Variants in SDK2 observed in about 807,000 individuals in gnomAD.
SDK2 encodes the protein sidekick cell adhesion molecule 2.
Under a neutral mutation model 253.9 loss-of-function variants are expected in SDK2, and 105 were observed. That is an observed-to-expected ratio of 0.41 (90% CI 0.35 to 0.49). The LOEUF is 0.49. Among genes scored for constraint, SDK2 ranks in the 20% least tolerant of loss-of-function variants. SDK2 has a pLI of 0.06. For missense variants in SDK2, 2,608 were observed against 3,003.0 expected (o/e 0.87, Z 3.07); for synonymous variants, 1,249 against 1,234.9 (o/e 1.01, Z -0.24).
intron 16 of SDK2, among the ~76,000 whole-genome samples, chr17:73,416,767 T>C (rs2063185901): frequency 6.6e-6 from 1 of 151,394 alleles, no homozygotes; most frequent in South Asian, 2.1e-4. Context: ...TTTTTTGTAT[T>C]TTTAGTAGAG....
intron 2 of SDK2, among the ~76,000 whole-genome samples, chr17:73,494,454 G>A (rs1043785849): frequency 6.6e-6 from 1 of 152,120 alleles, no homozygotes; most frequent in Admixed American, 6.5e-5. Context: ...CAGCTTCCTC[G>A]GGAGTGGGGG....
intron 2 of SDK2, chr17:73,504,237 A>AGT (rs34971621): frequency 0.26 from 26,271 of 102,898 alleles, 2,777 homozygotes; most frequent in South Asian, 0.35. Context: ...AGAGAGAGAA[A>AGT]GTGTGTGTGT....
chr17:73,429,045 G>A (rs2063305962), intron 12 of SDK2, among the ~76,000 whole-genome samples: 1 of 152,160 alleles, frequency 6.6e-6, no homozygotes, highest in Admixed American at 6.5e-5. Flanking sequence ...ATCAGTAACT[G>A]TCTAGAGAAT....
chr17:73,471,377 C>T (rs1262744755), intron 3 of SDK2, among the ~76,000 whole-genome samples: 1 of 152,150 alleles, frequency 6.6e-6, no homozygotes, highest in Non-Finnish European at 1.5e-5. Context: ...GTGGGCAGAT[C>T]ACTTGAGGTC....
intron 2 of SDK2, among the ~76,000 whole-genome samples, chr17:73,472,465 C>T (rs139013697): frequency 3.9e-5 from 6 of 152,224 alleles, no homozygotes; most frequent in African/African-American, 1.2e-4. Context: ...CTTCTCCAAG[C>T]AGGGAAGGTG....
chr17:73,371,680 C>A (rs2062735348), intron 36 of SDK2, among the ~76,000 whole-genome samples: 1 of 151,918 alleles, frequency 6.6e-6, no homozygotes, highest in Non-Finnish European at 1.5e-5. Context: ...TGAGGTCAGG[C>A]CAGGTGCGGT....
intron 1 of SDK2, among the ~76,000 whole-genome samples, chr17:73,600,030 T>C (rs75733043): frequency 1.6e-3 from 244 of 152,378 alleles, no homozygotes; most frequent in Non-Finnish European, 3.1e-3. Context: ...CTCGTCACTA[T>C]GTTTTCTCAA....
At chr17:73,504,857 A>G (rs1194142581) in intron 2 of SDK2, among the ~76,000 whole-genome samples, 2 of 152,102 alleles carry the variant, frequency 1.3e-5, no homozygotes, top group East Asian at 3.9e-4. Flanking sequence ...AGGTGAGACT[A>G]TGCCAGCAGG....
chr17:73,449,654 C>G (rs1195422988), intron 4 of SDK2, among the ~76,000 whole-genome samples: 2 of 142,766 alleles, frequency 1.4e-5, no homozygotes, highest in Non-Finnish European at 3.0e-5. Context: ...GGCACAGTGG[C>G]TCACGCCTGT....
At chr17:73,580,089 C>T (rs1009939308) in intron 1 of SDK2, among the ~76,000 whole-genome samples, 1 of 152,068 alleles carries the variant, frequency 6.6e-6, no homozygotes, top group African/African-American at 2.4e-5. Flanking sequence ...CAGAAGAAAG[C>T]GACCTGAAGA....
chr17:73,436,411 T>C (rs938108926), intron 8 of SDK2, among the ~76,000 whole-genome samples: 30 of 151,836 alleles, frequency 2.0e-4, no homozygotes, highest in African/African-American at 6.3e-4. Context: ...ACCCTGTCTC[T>C]ACTAAAAATA....
intron 36 of SDK2, among the ~76,000 whole-genome samples, chr17:73,372,766 C>A (rs1365927602): frequency 1.3e-5 from 2 of 151,638 alleles, no homozygotes; most frequent in Non-Finnish European, 2.9e-5. Flanking sequence ...ACAAAAAAAT[C>A]AAAAAACAAA....
chr17:73,350,929 G>A (rs763849663), intron 41 of SDK2, 139 bp from the exon 42 acceptor site: 2 of 855,196 alleles, frequency 2.3e-6, no homozygotes, highest in East Asian at 2.6e-5. Flanking sequence ...CAGAACCTCT[G>A]TAAGGACAGT....
intron 44 of SDK2, among the ~76,000 whole-genome samples, chr17:73,345,770 C>T (rs1224239678): frequency 1.3e-5 from 2 of 152,160 alleles, no homozygotes; most frequent in Non-Finnish European, 2.9e-5. Context: ...TGCAAATGGC[C>T]TTAATGCCAC....
chr17:73,597,419 T>G (rs2045775020), intron 1 of SDK2, among the ~76,000 whole-genome samples: 1 of 152,160 alleles, frequency 6.6e-6, no homozygotes, highest in South Asian at 2.1e-4. Flanking sequence ...AGCAGGGGCC[T>G]CTCCTGTGAT....
Position 73,440,851 on chromosome 17 carries a change from C to A in SDK2, c.686G>T (p.Gly229Val). 6.4e-7 allele frequency: 1 copy of A among 1,551,660 alleles called. No individual in the cohort carries two copies. Among genetic ancestry groups the A allele is most frequent in the Non-Finnish European group, 8.7e-7 (1 of 1,146,956 alleles). ...IPPKNTSVVA[G>V]TSEVTLECVA... ...ACACTCCAAGGTAACCTCTGAGGTGCCGGCCACCACGCTGGTGTTTTTAGG... is the reference window on the plus strand; with the variant it reads ...ACACTCCAAGGTAACCTCTGAGGTGACGGCCACCACGCTGGTGTTTTTAGG... The change falls in exon 6 of 45, where the codon GGC becomes GTC. Residue 229 changes from glycine (G) to valine (V), a missense_variant. By Grantham distance (109) the Gly-to-Val change is moderately radical. Around this residue, in one of 2 missense-constraint regions of SDK2, gnomAD observed 1,505 missense variants for 1,859.1 expected, o/e 0.81. Transcript: ENST00000392650.
At position 73,435,576 on chromosome 17, in the gene SDK2, A is replaced by T. The variant is rs1258014448; in HGVS notation, c.1069T>A (p.Phe357Ile). The part of the protein sequence containing the change: ...AVVEVEKLTR[F>I]RQRNDGGLQI... ...AGGCCCCCGTCGTTGCGCTGCCGGA[A>T]GCGGGTCAACTTCTCCACCTCCACC... Residue 357 changes from phenylalanine (F) to isoleucine (I), a missense_variant, in exon 9 of 45, where the codon TTC (phenylalanine) becomes ATC (isoleucine). By Grantham distance (21) the Phe-to-Ile change is conservative. This residue lies in a region of SDK2 where 1,505 missense variants were observed against 1,859.1 expected (regional missense o/e 0.81). Coordinates refer to ENST00000392650, the MANE Select transcript of SDK2 (RefSeq NM_001144952.2). The surrounding 1 kb of genome is among the most constrained non-coding windows in gnomAD (Gnocchi z 5.7). 1 of 1,583,262 alleles carries T rather than the reference A, an allele frequency of 6.3e-7. No individual in the cohort carries two copies. The highest frequency in any genetic ancestry group is 1.3e-5 in the African/African-American group (1 of 74,142).
chr17:73,597,095 C>A (rs747417137), intron 1 of SDK2, among the ~76,000 whole-genome samples: 24 of 152,218 alleles, frequency 1.6e-4, no homozygotes, highest in Non-Finnish European at 2.6e-4. Context: ...GAGTGCCTGT[C>A]AAGAGCCAAG....
At chr17:73,608,186 C>G (rs566117978) in intron 1 of SDK2, among the ~76,000 whole-genome samples, 1 of 152,046 alleles carries the variant, frequency 6.6e-6, no homozygotes, top group Non-Finnish European at 1.5e-5. Context: ...TGGTGTTGGA[C>G]GACCTCAACA....
Sources: allele counts gnomAD v4.1 joint callset (sites outside exome capture counted in the v4.1 genomes callset), GRCh38; gene constraint gnomAD v4.1.1; regional missense constraint gnomAD v4.1.1; non-coding constraint Gnocchi (gnomAD v3.1); transcripts MANE v1.5; gene names NCBI Gene and HGNC (gene_info 2026-07-23, HGNC 2026-07-21).